TMEM232: variants seen among roughly 807,000 people sequenced by gnomAD.
The protein encoded by TMEM232 is transmembrane protein 232.
TMEM232 carries 80 observed loss-of-function variants against 78.8 expected under a neutral mutation model. The ratio of observed to expected loss-of-function variants is 1.01; its 90% CI spans 0.85 to 1.22. The LOEUF (loss-of-function observed/expected upper bound fraction) is 1.22. Ranked by LOEUF, TMEM232 falls within the 50% of genes most tolerant of loss-of-function variation. The pLI, the probability that TMEM232 is intolerant of heterozygous loss-of-function variation, is 0.00. For missense variants in TMEM232, 881 were observed against 742.2 expected (o/e 1.19, Z -2.17); for synonymous variants, 297 against 254.3 (o/e 1.17, Z -1.60).
chr5:110,528,949 T>A, intron 11 of TMEM232, 114 bp from the exon 12 acceptor site: 1 of 1,002,426 alleles, frequency 1.0e-6, no homozygotes, highest in Middle Eastern at 3.6e-4. Context: ...AATATTGCAT[T>A]TTTCCTGTTA....
At chr5:110,424,753 A>G (rs1757057461) in intron 13 of TMEM232, 70 bp downstream of exon 13, 1 of 1,238,090 alleles carries the variant, frequency 8.1e-7, no homozygotes, top group South Asian at 1.4e-5. Flanking sequence ...TCTCAGAACT[A>G]CATTTTATCA....
At chr5:110,441,653 C>T (rs1296560561) in intron 12 of TMEM232, among the ~76,000 whole-genome samples, 1 of 152,164 alleles carries the variant, frequency 6.6e-6, no homozygotes, top group Non-Finnish European at 1.5e-5. Context: ...TACTAGCTAA[C>T]TCTTAATTCT....
intron 12 of TMEM232, among the ~76,000 whole-genome samples, chr5:110,475,368 C>A (rs1763130907): frequency 6.6e-6 from 1 of 151,332 alleles, no homozygotes; most frequent in Non-Finnish European, 1.5e-5. Flanking sequence ...AAAATTTCAT[C>A]CCTGACAGAT....
At chr5:110,721,496 G>A (rs72773184) in intron 1 of TMEM232, among the ~76,000 whole-genome samples, 1 of 150,656 alleles carries the variant, frequency 6.6e-6, no homozygotes, top group Admixed American at 6.7e-5. Flanking sequence ...TCAATTCCGA[G>A]AGAGTACCTC....
intron 8 of TMEM232, chr5:110,610,632 T>C (rs1488799647): frequency 2.3e-6 from 1 of 428,174 alleles, no homozygotes; most frequent in Non-Finnish European, 4.6e-6. Flanking sequence ...GCCAGTTAAC[T>C]CCTGCCTACT....
At chr5:110,415,190 C>CTTTT (rs11382588), downstream of TMEM232, among the ~76,000 whole-genome samples, 1 of 142,290 alleles carries the variant, frequency 7.0e-6, no homozygotes, top group Non-Finnish European at 1.5e-5. Context: ...TTCTCTCCAA[C>CTTTT]TTTTTTTTTT....
intron 2 of TMEM232, among the ~76,000 whole-genome samples, chr5:110,662,505 C>A (rs1293696765): frequency 6.6e-6 from 1 of 151,904 alleles, no homozygotes; most frequent in African/African-American, 2.4e-5. Flanking sequence ...TAAATTATGA[C>A]AAGCTGGTTT....
chr5:110,716,921 A>T (rs1229040143), intron 1 of TMEM232, among the ~76,000 whole-genome samples: 1 of 152,174 alleles, frequency 6.6e-6, no homozygotes, highest in African/African-American at 2.4e-5. Flanking sequence ...GATAAACTGG[A>T]CAGTAATTAC....
chr5:110,604,899 T>C (rs1781353285), intron 10 of TMEM232, among the ~76,000 whole-genome samples: 1 of 152,106 alleles, frequency 6.6e-6, no homozygotes, highest in Non-Finnish European at 1.5e-5. Context: ...GAGGTTACAG[T>C]GAGCAGGGAT....
chr5:110,450,008 C>G (rs552956380), intron 12 of TMEM232, among the ~76,000 whole-genome samples: 64 of 152,100 alleles, frequency 4.2e-4, no homozygotes, highest in African/African-American at 1.4e-3. Flanking sequence ...TGGATCATGT[C>G]GCATATTTCC....
intron 3 of TMEM232, 56 bp from the exon 4 acceptor site, chr5:110,641,052 T>TTAAAAG: frequency 9.0e-7 from 1 of 1,108,344 alleles, no homozygotes; most frequent in Middle Eastern, 2.6e-4. Context: ...TTTATATATA[T>TTAAAAG]ATTTATTTTT....
Position 110,493,506 on chromosome 5 carries a change from G to A in TMEM232, c.1703+35082C>T, listed in dbSNP as rs144864490. On this transcript the variant is annotated intron_variant, in intron 12 of 13. Transcript: ENST00000455884. ...ACATTCACAAATGGGACAAAGCAGA[G>A]AGCCCATATGAAGGCCATTATTCTA... Among the ~76,000 whole-genome samples, 1,006 of 151,992 alleles carry A rather than the reference G, an allele frequency of 6.6e-3. 4 individuals carry two copies. The highest frequency in any genetic ancestry group is 0.017 in the Middle Eastern group (5 of 294).
At chr5:110,633,150 A>C (rs1390076474) in intron 5 of TMEM232, among the ~76,000 whole-genome samples, 1 of 152,202 alleles carries the variant, frequency 6.6e-6, no homozygotes, top group Non-Finnish European at 1.5e-5. Flanking sequence ...TCCTTCATAC[A>C]TGAAGAAGAA....
chr5:110,599,946 C>T (rs547922884), intron 10 of TMEM232, among the ~76,000 whole-genome samples: 19 of 152,076 alleles, frequency 1.2e-4, no homozygotes, highest in Admixed American at 2.6e-4. Flanking sequence ...ATGAAAAGAA[C>T]GGAAATCATA....
intron 11 of TMEM232, among the ~76,000 whole-genome samples, chr5:110,565,649 A>G (rs1475605935): frequency 6.6e-6 from 1 of 151,974 alleles, no homozygotes; most frequent in Non-Finnish European, 1.5e-5. Context: ...TCTGTTCCCA[A>G]GTGTTTAGCT....
chr5:110,405,388 A>C (rs1755749384), intron 2 of TMEM232, among the ~76,000 whole-genome samples: 1 of 152,094 alleles, frequency 6.6e-6, no homozygotes, highest in African/African-American at 2.4e-5. Flanking sequence ...AAAGATTAGA[A>C]GATATGTGAT....
chr5:110,523,759 C>G (rs997342860), intron 12 of TMEM232, among the ~76,000 whole-genome samples: 1 of 151,626 alleles, frequency 6.6e-6, no homozygotes, highest in Non-Finnish European at 1.5e-5. Context: ...TTGAGACTAC[C>G]CTGGGCAATA....
chr5:110,668,705 C>T (rs1473025455), intron 1 of TMEM232, among the ~76,000 whole-genome samples: 6 of 152,094 alleles, frequency 3.9e-5, no homozygotes, highest in African/African-American at 1.4e-4. Flanking sequence ...GCACTTATTC[C>T]AAAATTGACC....
chr5:110,696,037 T>C (rs1013875662), intron 1 of TMEM232, among the ~76,000 whole-genome samples: 1 of 152,102 alleles, frequency 6.6e-6, no homozygotes, highest in Non-Finnish European at 1.5e-5. Flanking sequence ...TGATGAACAT[T>C]GATGCAAAAA....
Sources: allele counts gnomAD v4.1 joint callset (sites outside exome capture counted in the v4.1 genomes callset), GRCh38; gene constraint gnomAD v4.1.1; transcripts MANE v1.5; gene names NCBI Gene and HGNC (gene_info 2026-07-23, HGNC 2026-07-21).